The following MAGI2 variants were observed in gnomAD, a reference collection of about 807,000 sequenced individuals.
MAGI2 encodes the protein membrane associated guanylate kinase, WW and PDZ domain containing 2.
A neutral mutation model predicts 133.3 loss-of-function variants in MAGI2; 35 were observed. The ratio of observed to expected loss-of-function variants is 0.26; its 90% CI spans 0.20 to 0.35. The LOEUF (loss-of-function observed/expected upper bound fraction) is 0.35. Ranked by LOEUF, MAGI2 falls within the 10% of genes least tolerant of loss-of-function variation. The probability of loss-of-function intolerance (pLI) is 1.00; values close to 1 mark genes in which losing one functional copy is unlikely to be tolerated. For missense variants in MAGI2, 1,636 were observed against 1,863.4 expected (o/e 0.88, Z 2.25); for synonymous variants, 729 against 710.6 (o/e 1.03, Z -0.41).
At chr7:78,057,623 G>T (rs1812726345) in intron 21 of MAGI2, among the ~76,000 whole-genome samples, 1 of 152,054 alleles carries the variant, frequency 6.6e-6, no homozygotes, top group African/African-American at 2.4e-5. Context: ...TCTTATGCTT[G>T]TTGGCCATTT....
At chr7:78,633,705 C>CAAAAA (rs36102006) in intron 2 of MAGI2, among the ~76,000 whole-genome samples, 1 of 80,912 alleles carries the variant, frequency 1.2e-5, no homozygotes, top group African/African-American at 4.6e-5. Flanking sequence ...GACTCCGTCT[C>CAAAAA]AAAAAAAAAA....
chr7:78,824,749 T>C (rs987076167), intron 2 of MAGI2, among the ~76,000 whole-genome samples: 2 of 152,186 alleles, frequency 1.3e-5, no homozygotes, highest in African/African-American at 4.8e-5. Flanking sequence ...GTTAGTTTCT[T>C]TTGCTGAGCA....
At chr7:79,003,611 A>G (rs943564527) in intron 2 of MAGI2, among the ~76,000 whole-genome samples, 2 of 152,204 alleles carry the variant, frequency 1.3e-5, no homozygotes, top group African/African-American at 2.4e-5. Flanking sequence ...TCCATACTCA[A>G]TACCAACAGA....
chr7:79,322,442 G>A (rs573730431), intron 1 of MAGI2, among the ~76,000 whole-genome samples: 1 of 152,000 alleles, frequency 6.6e-6, no homozygotes, highest in Non-Finnish European at 1.5e-5. Flanking sequence ...TGCAACTGTT[G>A]CCACTGTGTG....
chr7:78,654,925 C>G (rs1437429470), intron 2 of MAGI2, among the ~76,000 whole-genome samples: 1 of 151,442 alleles, frequency 6.6e-6, no homozygotes, highest in East Asian at 1.9e-4. Context: ...TTTAAAACAA[C>G]AAATTCAAGA....
chr7:78,471,994 A>G (rs1475330663), intron 6 of MAGI2, among the ~76,000 whole-genome samples: 1 of 152,028 alleles, frequency 6.6e-6, no homozygotes, highest in Non-Finnish European at 1.5e-5. Context: ...TCACACAGCC[A>G]GTAAATGGCA....
In MAGI2 at chr7:79,275,565, C is replaced by A. The variant is rs1004111909; in HGVS notation, c.301+177455G>T. Among the ~76,000 whole-genome samples, 3 of 152,130 alleles carry A rather than the reference C, an allele frequency of 2.0e-5. No homozygotes were observed. In the South Asian group the frequency reaches 6.2e-4, roughly 32 times the overall value. On this transcript the variant is annotated intron_variant, in intron 1 of 21. Transcript: ENST00000354212. ...GCAAGTTATCTAGAAGATGCAGCTA[C>A]GATCATTCATGAATGTGTCTACATT... is the stretch of plus-strand genomic sequence containing the variant.
chr7:78,077,602 T>TAGATGCGGGAAACAACGCA (rs773180706), intron 21 of MAGI2, among the ~76,000 whole-genome samples: 1 of 151,384 alleles, frequency 6.6e-6, no homozygotes, highest in Non-Finnish European at 1.5e-5. Context: ...ATTTAAGGTC[T>TAGATGCGGGAAACAACGCA]TTGAGTTTAG....
intron 2 of MAGI2, among the ~76,000 whole-genome samples, chr7:78,708,791 C>A: frequency 6.6e-6 from 1 of 152,176 alleles, no homozygotes; most frequent in East Asian, 1.9e-4. Context: ...ATGAGTAACC[C>A]CTAAGTCTCA....
At chr7:78,712,282 G>C (rs1451348700) in intron 2 of MAGI2, among the ~76,000 whole-genome samples, 4 of 152,160 alleles carry the variant, frequency 2.6e-5, no homozygotes, top group African/African-American at 9.7e-5. Context: ...TGTTCTGTCT[G>C]ACTCCCCCAC....
chr7:78,358,120 G>A (rs1192175915), intron 7 of MAGI2, among the ~76,000 whole-genome samples: 15 of 122,428 alleles, frequency 1.2e-4, no homozygotes, highest in African/African-American at 3.4e-4. Context: ...CAGTGATTGC[G>A]CCACTGCACT....
chr7:78,027,912 ACAGTTGT>A (rs1296924091), intron 21 of MAGI2, among the ~76,000 whole-genome samples: 5 of 152,202 alleles, frequency 3.3e-5, no homozygotes, highest in African/African-American at 1.2e-4. Context: ...GTTGCAACCT[ACAGTTGT>A]CTGGGGTTAG....
chr7:79,155,049 T>C (rs1183992020), intron 1 of MAGI2, among the ~76,000 whole-genome samples: 1 of 152,188 alleles, frequency 6.6e-6, no homozygotes, highest in Non-Finnish European at 1.5e-5. Flanking sequence ...CAGTCTGTCT[T>C]CATTATTTTG....
chr7:78,658,354 T>C lies in MAGI2; in HGVS notation c.419-31115A>G, dbSNP rs561882161. Among the ~76,000 whole-genome samples the C allele has an allele frequency of 1.8e-4, 27 of 152,306 alleles. 1 individual carries two copies. ...AATTAACTCAAATGGATTATGGACT[T>C]AAATGTAAAATGTAAAACTATAAAC... is the stretch of plus-strand genomic sequence containing the variant. On this transcript the variant is annotated intron_variant, in intron 2 of 21. Coordinates refer to ENST00000354212, the MANE Select transcript of MAGI2 (RefSeq NM_012301.4).
At chr7:78,216,471 T>G (rs1056290225) in intron 10 of MAGI2, among the ~76,000 whole-genome samples, 35 of 152,356 alleles carry the variant, frequency 2.3e-4, no homozygotes, top group African/African-American at 8.2e-4. Flanking sequence ...AAATCCTTTG[T>G]AGGACCCTAG....
rs55784786 is a variant in MAGI2 at position 78,741,376 on chromosome 7, A to AACACACAC, written c.419-114145_419-114138dup. 1.7e-3 allele frequency among the ~76,000 whole-genome samples: 204 copies of AACACACAC among 117,530 alleles called. 1 individual carries two copies. Among genetic ancestry groups the AACACACAC allele is most frequent in the African/African-American group, 6.3e-3 (189 of 30,000 alleles). 77.1% of individuals were successfully genotyped at this position (117,530 alleles called of 152,430 possible). On this transcript the variant is annotated intron_variant, in intron 2 of 21. Transcript: ENST00000354212. ...TGGAGGAATAGAAGAAAAAAGTTGA[A>AACACACAC]ACACACACACACACACACACACACA...
intron 1 of MAGI2, among the ~76,000 whole-genome samples, chr7:79,016,267 T>G (rs1439850939): frequency 7.9e-5 from 12 of 152,060 alleles, no homozygotes; most frequent in Non-Finnish European, 2.9e-5. Flanking sequence ...AGAAAACTGT[T>G]GGACCTGAAC....
At chr7:78,969,451 G>T (rs1025159635) in intron 2 of MAGI2, among the ~76,000 whole-genome samples, 1 of 152,004 alleles carries the variant, frequency 6.6e-6, no homozygotes, top group Non-Finnish European at 1.5e-5. Flanking sequence ...CCAAGTGTGT[G>T]TTCGTGTCAT....
intron 3 of MAGI2, among the ~76,000 whole-genome samples, chr7:78,585,500 C>T (rs1046290368): frequency 2.0e-5 from 3 of 152,104 alleles, no homozygotes; most frequent in Non-Finnish European, 4.4e-5. Flanking sequence ...GAAATGGCAG[C>T]AGCATAGGAA....
Sources: gnomAD v4.1 joint callset for allele counts (sites outside exome capture counted in the v4.1 genomes callset) on GRCh38, gnomAD v4.1.1 for gene constraint, MANE v1.5 for transcripts, NCBI Gene and HGNC (gene_info 2026-07-23, HGNC 2026-07-21) for gene names.